The following DNMT3A variants were observed in gnomAD, a reference collection of about 807,000 sequenced individuals.
DNMT3A encodes the protein DNA methyltransferase 3 alpha.
DNMT3A carries 267 observed loss-of-function variants against 117.6 expected under a neutral mutation model. That is an observed-to-expected ratio of 2.27 (90% CI 2.05 to 2.51). DNMT3A has a LOEUF of 2.51. Ranked by LOEUF, DNMT3A falls within the 30% of genes most tolerant of loss-of-function variation. DNMT3A has a pLI of 0.00. For missense variants in DNMT3A, 1,029 were observed against 1,260.2 expected (o/e 0.82, Z 2.78); for synonymous variants, 432 against 474.8 (o/e 0.91, Z 1.17).
chr2:25,310,969 G>C (rs1272089645), intron 2 of DNMT3A, among the ~76,000 whole-genome samples: 1 of 152,174 alleles, frequency 6.6e-6, no homozygotes, highest in Non-Finnish European at 1.5e-5. Flanking sequence ...ATAATACAAG[G>C]CCAACTACAG....
At chr2:25,270,620 T>A (rs1469426830) in intron 6 of DNMT3A, among the ~76,000 whole-genome samples, 1 of 150,336 alleles carries the variant, frequency 6.7e-6, no homozygotes, top group African/African-American at 2.5e-5. Flanking sequence ...GGAGGGTACT[T>A]GGATCTAGGA....
chr2:25,307,204 T>C (rs1323993656), intron 2 of DNMT3A, among the ~76,000 whole-genome samples: 1 of 152,254 alleles, frequency 6.6e-6, no homozygotes, highest in Non-Finnish European at 1.5e-5. Context: ...ATATCCCTAA[T>C]GCCCTGTGGC....
intron 6 of DNMT3A, among the ~76,000 whole-genome samples, chr2:25,251,153 C>CGGG (rs34583441): frequency 7.5e-4 from 44 of 58,698 alleles, no homozygotes; most frequent in African/African-American, 3.0e-3. Flanking sequence ...AAGGAAGAAG[C>CGGG]GGGGGGGGGG....
intron 6 of DNMT3A, among the ~76,000 whole-genome samples, chr2:25,260,446 T>A (rs1253745627): frequency 6.6e-6 from 1 of 152,204 alleles, no homozygotes; most frequent in Non-Finnish European, 1.5e-5. Context: ...ATCTTTGGTA[T>A]ATATAAGCAA....
chr2:25,302,522 G>C (rs572478969), intron 2 of DNMT3A, among the ~76,000 whole-genome samples: 109 of 152,332 alleles, frequency 7.2e-4, no homozygotes, highest in Non-Finnish European at 1.4e-3. Context: ...TCCTTCAGGG[G>C]CTCTTTTCAG....
At position 25,231,676 on chromosome 2, in the gene DNMT3A, T is replaced by G. The variant is rs1672891363; in HGVS notation, c.*2603A>C. The G allele has an allele frequency of 6.6e-6, 1 of 151,972 alleles. No individual in the cohort carries two copies. Among genetic ancestry groups the G allele is most frequent in the Non-Finnish European group, 1.5e-5 (1 of 68,082 alleles). The allele number at this position is 151,972 out of a possible 1,614,324, so 9.4% of individuals were successfully genotyped here. ...AGAATAGGTAGGGGGAGTTGAGGGC[T>G]GACTTGACTGGTGCCTAGAGTTGCA... On this transcript the variant is annotated 3_prime_UTR_variant, in exon 23 of 23. Transcript: ENST00000321117.
chr2:25,246,953 C>T (rs1674871114), intron 9 of DNMT3A, 98 bp downstream of exon 9: 1 of 1,482,934 alleles, frequency 6.7e-7, no homozygotes, highest in South Asian at 1.2e-5. Flanking sequence ...GTCGCTGCCT[C>T]CTGGGCCTCC....
intron 2 of DNMT3A, among the ~76,000 whole-genome samples, chr2:25,310,582 C>G (rs1327135339): frequency 2.0e-5 from 3 of 152,164 alleles, no homozygotes; most frequent in African/African-American, 7.2e-5. Context: ...ACTCCGCCTC[C>G]CTGATCCTGG....
chr2:25,296,298 T>C lies in DNMT3A; in HGVS notation c.177+3841A>G, dbSNP rs1406687558. Reference sequence around the variant, plus strand: ...TTTCAGGCTAGGTTCTACCGGGCTGTGGTGCTGGGGCAGGCGGAGAGAAGG... The same window carrying C: ...TTTCAGGCTAGGTTCTACCGGGCTGCGGTGCTGGGGCAGGCGGAGAGAAGG... On this transcript the variant is annotated intron_variant, in intron 3 of 22. Transcript: ENST00000321117. The surrounding 1 kb of genome is among the most constrained non-coding windows in gnomAD (Gnocchi z 4.2). Among the ~76,000 whole-genome samples, 2 of 152,050 alleles carry C rather than the reference T, an allele frequency of 1.3e-5. No individual in the cohort carries two copies. The highest frequency in any genetic ancestry group is 4.2e-4 in the South Asian group (2 of 4,818).
chr2:25,269,207 A>G (rs762697747), intron 6 of DNMT3A, among the ~76,000 whole-genome samples: 12 of 152,190 alleles, frequency 7.9e-5, no homozygotes, highest in Non-Finnish European at 1.8e-4. Context: ...CTGTAATTCC[A>G]GCTACTGGGA....
intron 10 of DNMT3A, 61 bp from the exon 11 acceptor site, chr2:25,246,370 C>T: frequency 1.3e-6 from 2 of 1,538,500 alleles, no homozygotes; most frequent in South Asian, 2.5e-5. Flanking sequence ...CCAGCCCCTT[C>T]CCCCACCCTC....
At chr2:25,326,347 G>A (rs189183529) in intron 1 of DNMT3A, among the ~76,000 whole-genome samples, 1 of 152,278 alleles carries the variant, frequency 6.6e-6, no homozygotes, top group African/African-American at 2.4e-5. Flanking sequence ...GCAAAAGGGT[G>A]AGAATTTCAT....
Position 25,237,257 on chromosome 2 carries a change from TGTGAACAG to T in DNMT3A, c.2409-260_2409-253del, listed in dbSNP as rs1348597050. ...GGTAAATTCAAAAGTGGTCTCAAAT[TGTGAACAG>T]GCAGATAACACCTAGCAGAAAAAGA... On this transcript the variant is annotated intron_variant, in intron 20 of 22. Coordinates refer to ENST00000321117, the MANE Select transcript of DNMT3A (RefSeq NM_022552.5). This position sits in a 1 kb window ranked among gnomAD's most constrained non-coding sequence, Gnocchi z 5.4. Among the ~76,000 whole-genome samples the T allele has an allele frequency of 6.6e-6, 1 of 151,998 alleles. No homozygotes were observed. Among genetic ancestry groups the T allele is most frequent in the African/African-American group, 2.4e-5 (1 of 41,366 alleles).
At position 25,244,324 on chromosome 2, in the gene DNMT3A, TCCAC is replaced by T; in HGVS notation, c.1678_1681del (p.Val560SerfsTer90). 6.2e-7 allele frequency: 1 copy of T among 1,607,372 alleles called. No homozygotes were observed. Among genetic ancestry groups the T allele is most frequent in the Non-Finnish European group, 8.5e-7 (1 of 1,177,218 alleles). On this transcript the variant is annotated frameshift_variant, in exon 15 of 23. Coordinates refer to ENST00000321117, the MANE Select transcript of DNMT3A (RefSeq NM_022552.5). LOFTEE classifies it high-confidence loss of function. ...CGGCCCCACCAAGAGGTCCACACAC[TCCAC>T]GCAAAAGCACCTGGAAGGAGACCCA...
intron 1 of DNMT3A, among the ~76,000 whole-genome samples, chr2:25,340,102 G>C (rs578186657): frequency 2.0e-5 from 3 of 152,362 alleles, no homozygotes; most frequent in Admixed American, 1.3e-4. Context: ...GGTTTGGAGG[G>C]GGGGTAGCTG....
At position 25,234,366 on chromosome 2, in the gene DNMT3A, C is replaced by G. The variant is rs537647207; in HGVS notation, c.2652G>C (p.Ala884=). 3 of 1,614,110 alleles carry G rather than the reference C, an allele frequency of 1.9e-6. No homozygotes were observed. The East Asian group carries it at 6.7e-5, about 36-fold the overall frequency. The change falls in exon 23 of 23, where the codon GCG becomes GCC. Residue 884 remains alanine, a synonymous_variant. Coordinates refer to ENST00000321117, the MANE Select transcript of DNMT3A (RefSeq NM_022552.5). This position sits in a 1 kb window ranked among gnomAD's most constrained non-coding sequence, Gnocchi z 4.5. ...ATGACCGGCCCAGCAGTCTCTGCCT[C>G]GCCAAGCGGCTCATGTTGGAGACGT... The part of the protein sequence containing the change: ...YTDVSNMSRL[A]RQRLLGRSWS...
intron 2 of DNMT3A, among the ~76,000 whole-genome samples, chr2:25,310,830 G>A (rs542683657): frequency 6.6e-6 from 1 of 152,130 alleles, no homozygotes; most frequent in African/African-American, 2.4e-5. Context: ...AAAGGTGCCC[G>A]GCTGGGTCCC....
intron 3 of DNMT3A, among the ~76,000 whole-genome samples, chr2:25,290,469 G>C (rs957394243): frequency 6.6e-6 from 1 of 152,124 alleles, no homozygotes; most frequent in Admixed American, 6.5e-5. Flanking sequence ...TTACAGGCGT[G>C]TGCCACCACA....
rs542806749 is a variant in DNMT3A at position 25,239,227 on chromosome 2, G to A, written c.2323-12C>T. The stretch of plus-strand genomic sequence containing the variant: ...ATCACAGGGTTGGACTACAAAACAG[G>A]AGACGGTTTGAAGATGAGCCAAGGA... On this transcript the variant is annotated splice_polypyrimidine_tract_variant and intron_variant, in intron 19 of 22. Coordinates refer to ENST00000321117, the MANE Select transcript of DNMT3A (RefSeq NM_022552.5). The A allele has an allele frequency of 3.7e-6, 6 of 1,613,048 alleles. No homozygotes were observed. Among genetic ancestry groups the A allele is most frequent in the Non-Finnish European group, 5.1e-6 (6 of 1,179,384 alleles).
Sources: gnomAD v4.1 joint callset for allele counts (sites outside exome capture counted in the v4.1 genomes callset) on GRCh38, gnomAD v4.1.1 for gene constraint, Gnocchi (gnomAD v3.1) non-coding constraint, MANE v1.5 for transcripts, NCBI Gene and HGNC (gene_info 2026-07-23, HGNC 2026-07-21) for gene names.